Variants in ARSB observed in about 807,000 individuals in gnomAD.
ARSB encodes N-acetylgalactosamine-4-sulfatase.
Under a neutral mutation model 50.9 loss-of-function variants are expected in ARSB, and 41 were observed. The ratio of observed to expected loss-of-function variants is 0.81; its 90% confidence interval spans 0.63 to 1.04. ARSB has a LOEUF of 1.04. Among genes scored for constraint, ARSB ranks in the 50% least tolerant of loss-of-function variants. The pLI is 0.00. For missense variants in ARSB, 672 were observed against 693.3 expected, an observed-to-expected ratio of 0.97 and a Z score of 0.35; for synonymous variants, 269 against 284.8, an observed-to-expected ratio of 0.94 and a Z score of 0.56.
At chr5:78,867,146 A>G (rs1294229520) in intron 5 of ARSB, among the ~76,000 whole-genome samples, 13 of 152,172 alleles carry the variant, frequency 8.5e-5, no homozygotes, top group Non-Finnish European at 1.8e-4. Flanking sequence ...ACTATATCCC[A>G]CACCTGGCTC....
At chr5:78,862,137 C>T (rs1290101913) in intron 5 of ARSB, among the ~76,000 whole-genome samples, 2 of 152,184 alleles carry the variant, frequency 1.3e-5, no homozygotes, top group African/African-American at 2.4e-5. Flanking sequence ...AATGGGAGAA[C>T]ATTCCATGCT....
At chr5:78,851,523 A>G (rs36144584) in intron 5 of ARSB, among the ~76,000 whole-genome samples, 34,975 of 151,810 alleles carry the variant, frequency 0.23, 4,809 homozygotes, top group Admixed American at 0.31. Context: ...GTGCTGAAAA[A>G]AATGTATATT....
chr5:78,937,721 C>T (rs1750701396), intron 4 of ARSB, among the ~76,000 whole-genome samples: 1 of 151,718 alleles, frequency 6.6e-6, no homozygotes, highest in Non-Finnish European at 1.5e-5. Context: ...AAATGCAAGA[C>T]CCTTTGGTGC....
At chr5:78,863,527 T>G (rs1488144394) in intron 5 of ARSB, among the ~76,000 whole-genome samples, 2 of 148,158 alleles carry the variant, frequency 1.3e-5, no homozygotes, top group Admixed American at 1.4e-4. Context: ...AAACACTGCA[T>G]GTTCTCACTC....
At position 78,914,192 on chromosome 5, in the gene ARSB, T is replaced by C. The variant is rs1749442229; in HGVS notation, c.899-28365A>G. 2.0e-5 allele frequency among the ~76,000 whole-genome samples: 3 copies of C among 152,144 alleles called. No homozygotes were observed. In the South Asian group the frequency reaches 6.2e-4, roughly 32 times the overall value. ...GTTGCTCAGGCTGGTCTCAAATTCC[T>C]GGCCTCAAGTAATCTTCCTGCCTTG... is the stretch of plus-strand genomic sequence containing the variant. On this transcript the variant is annotated intron_variant, in intron 4 of 7. Coordinates refer to ENST00000264914, the MANE Select transcript of ARSB (RefSeq NM_000046.5).
intron 5 of ARSB, among the ~76,000 whole-genome samples, chr5:78,868,826 T>A (rs997128030): frequency 6.8e-6 from 1 of 146,422 alleles, no homozygotes; most frequent in Non-Finnish European, 1.5e-5. Context: ...TAACTTTAAA[T>A]GTAAATGGAC....
At chr5:78,885,872 A>C (rs1748009903) in intron 4 of ARSB, 45 bp from the exon 5 acceptor site, 1 of 1,613,858 alleles carries the variant, frequency 6.2e-7, no homozygotes, top group Non-Finnish European at 8.5e-7. Context: ...GTTAACTCTT[A>C]AATACATTTA....
At chr5:78,851,014 C>CT (rs1343038595) in intron 5 of ARSB, among the ~76,000 whole-genome samples, 69 of 152,282 alleles carry the variant, frequency 4.5e-4, no homozygotes, top group African/African-American at 1.6e-3. Context: ...AAACCAGCTC[C>CT]TGGATTCATT....
At chr5:78,859,436 C>T (rs1021062553) in intron 5 of ARSB, among the ~76,000 whole-genome samples, 6 of 152,238 alleles carry the variant, frequency 3.9e-5, no homozygotes, top group African/African-American at 1.4e-4. Context: ...TGGGTTAATT[C>T]AGGATAAACT....
At chr5:78,942,103 G>T (rs1750961465) in intron 4 of ARSB, among the ~76,000 whole-genome samples, 1 of 152,152 alleles carries the variant, frequency 6.6e-6, no homozygotes, top group Admixed American at 6.5e-5. Context: ...ATGGTAGTTT[G>T]TATTTCTGTG....
rs577550485 is a variant in ARSB, at chr5:78,779,994, C to G, written c.*403G>C. 2.5e-5 allele frequency: 7 copies of G among 280,044 alleles called. No homozygotes were observed. The Admixed American group carries it at 3.4e-4, about 14-fold the overall frequency. 17.3% of individuals were successfully genotyped at this position (280,044 alleles called of 1,614,324 possible). On this transcript the variant is annotated 3_prime_UTR_variant, in exon 8 of 8. Coordinates refer to ENST00000264914, the MANE Select transcript of ARSB (RefSeq NM_000046.5). ...ACCATTAATCACTGTCTGCTCCCTTCATTTGCGTAAGAAATGTGATTCACT... is the reference window on the plus strand; with the variant it reads ...ACCATTAATCACTGTCTGCTCCCTTGATTTGCGTAAGAAATGTGATTCACT...
Position 78,985,192 on chromosome 5 carries a change from G to C in ARSB, c.57C>G (p.Leu19=). 1 of 1,402,642 alleles carries C rather than the reference G, an allele frequency of 7.1e-7. No individual in the cohort carries two copies. The highest frequency in any genetic ancestry group is 1.6e-5 in the South Asian group (1 of 62,828). 86.9% of individuals were successfully genotyped at this position (1,402,642 alleles called of 1,614,324 possible). ...LPRGPGPRRL[L]LPVVLPLLLL... is the part of the protein sequence containing the mutation. ...GCAGCAGCGGGAGGACGACGGGGAGGAGCAGCCGCCGAGGTCCGGGGCCTC... is the reference window on the plus strand; with the variant it reads ...GCAGCAGCGGGAGGACGACGGGGAGCAGCAGCCGCCGAGGTCCGGGGCCTC... The change falls in exon 1 of 8, where the codon CTC becomes CTG. Residue 19 remains leucine, a synonymous_variant. Coordinates refer to ENST00000264914, the MANE Select transcript of ARSB (RefSeq NM_000046.5).
At chr5:78,837,630 TA>T (rs1360243888) in intron 6 of ARSB, among the ~76,000 whole-genome samples, 2 of 152,240 alleles carry the variant, frequency 1.3e-5, no homozygotes, top group Non-Finnish European at 2.9e-5. Flanking sequence ...ACACTAACAA[TA>T]TATTTAATTC....
intron 4 of ARSB, among the ~76,000 whole-genome samples, chr5:78,894,102 T>A (rs1380781157): frequency 6.6e-6 from 1 of 152,078 alleles, no homozygotes; most frequent in South Asian, 2.1e-4. Context: ...AAGTAATGAA[T>A]GAGAAAAGTA....
Position 78,928,564 on chromosome 5 carries a change from C to T in ARSB, c.898+26731G>A, listed in dbSNP as rs551430267. Among the ~76,000 whole-genome samples the T allele has an allele frequency of 5.3e-5, 8 of 152,254 alleles. No homozygotes were observed. In the South Asian group the frequency reaches 1.5e-3, roughly 28 times the overall value. Reference sequence around the variant, plus strand: ...CTGCTGACTTCAGGTGATCCGCCCACCTCGGCCTCCCAAAGTGCTGGGATT... The same window carrying T: ...CTGCTGACTTCAGGTGATCCGCCCATCTCGGCCTCCCAAAGTGCTGGGATT... On this transcript the variant is annotated intron_variant, in intron 4 of 7. Transcript: ENST00000264914.
At chr5:78,961,033 T>C (rs1382255694) in intron 3 of ARSB, among the ~76,000 whole-genome samples, 1 of 152,230 alleles carries the variant, frequency 6.6e-6, no homozygotes, top group Non-Finnish European at 1.5e-5. Flanking sequence ...AGCAACTGTG[T>C]TTCAGTTATG....
At chr5:78,825,401 T>C (rs938657589) in intron 6 of ARSB, among the ~76,000 whole-genome samples, 2 of 152,384 alleles carry the variant, frequency 1.3e-5, no homozygotes, top group Admixed American at 6.5e-5. Flanking sequence ...TAAATGCTGC[T>C]GTTTATAATT....
intron 6 of ARSB, among the ~76,000 whole-genome samples, chr5:78,782,207 T>G (rs1748946249): frequency 6.6e-6 from 1 of 152,228 alleles, no homozygotes; most frequent in Non-Finnish European, 1.5e-5. Flanking sequence ...ATTACAACAC[T>G]AATTCATCCT....
At chr5:78,919,495 T>G (rs1048064914) in intron 4 of ARSB, among the ~76,000 whole-genome samples, 1 of 152,120 alleles carries the variant, frequency 6.6e-6, no homozygotes, top group Non-Finnish European at 1.5e-5. Flanking sequence ...ATTTATTTAT[T>G]TATTTATTTA....
Sources: gnomAD v4.1 joint callset for allele counts (sites outside exome capture counted in the v4.1 genomes callset) on GRCh38, gnomAD v4.1.1 for gene constraint, MANE v1.5 for transcripts, NCBI Gene and HGNC (gene_info 2026-07-23, HGNC 2026-07-21) for gene names.